The following BROX variants were observed in gnomAD, a reference collection of about 807,000 sequenced individuals.
BROX encodes the protein BRO1 domain-containing protein BROX.
BROX carries 53 observed loss-of-function variants against 61.0 expected under a neutral mutation model. The ratio of observed to expected loss-of-function variants is 0.87; its 90% CI spans 0.70 to 1.09. The LOEUF is 1.09. BROX is among the 50% of genes least tolerant of loss of function. BROX has a pLI of 0.00. For missense variants in BROX, 489 were observed against 472.0 expected (o/e 1.04, Z -0.33); for synonymous variants, 152 against 160.2 (o/e 0.95, Z 0.38).
intron 7 of BROX, among the ~76,000 whole-genome samples, chr1:222,725,898 G>A (rs1464297201): frequency 6.6e-6 from 1 of 152,140 alleles, no homozygotes; most frequent in Non-Finnish European, 1.5e-5. Context: ...GCAACAGTGT[G>A]AGACCCTGTC....
intron 4 of BROX, among the ~76,000 whole-genome samples, chr1:222,720,155 A>C (rs1201290491): frequency 6.6e-6 from 1 of 152,184 alleles, no homozygotes; most frequent in Non-Finnish European, 1.5e-5. Context: ...CTGCTTCTTC[A>C]ACTATATCTT....
At chr1:222,730,257 A>G (rs1657839273) in intron 11 of BROX, 80 bp downstream of exon 11, 2 of 1,037,370 alleles carry the variant, frequency 1.9e-6, no homozygotes, top group African/African-American at 1.7e-5. Context: ...TTTTAGTAAT[A>G]TCATTTCTGT....
intron 12 of BROX, among the ~76,000 whole-genome samples, chr1:222,731,902 G>C (rs1657965549): frequency 6.6e-6 from 1 of 152,114 alleles, no homozygotes; most frequent in Admixed American, 6.5e-5. Context: ...TGTGAATCCA[G>C]GTGTAAAATA....
At position 222,712,683 on chromosome 1, in the gene BROX, G is replaced by A; in HGVS notation, c.-276G>A. 3.1e-6 allele frequency: 4 copies of A among 1,297,154 alleles called. No homozygotes were observed. Among genetic ancestry groups the A allele is most frequent in the Non-Finnish European group, 3.0e-6 (3 of 993,452 alleles). 80.4% of individuals were successfully genotyped at this position (1,297,154 alleles called of 1,614,324 possible). A position where few individuals can be genotyped will look rare whatever the true frequency, so the allele number is the denominator to read the frequency against. ...GCTCAAAAGGAAGGCCGAGGGAGAA[G>A]TTAGAAAGGGATGATGAACGAAGCG... On this transcript the variant is annotated 5_prime_UTR_variant, in exon 1 of 13. Coordinates refer to ENST00000340934, the MANE Select transcript of BROX (RefSeq NM_144695.4).
chr1:222,729,450 A>T (rs532830472), intron 9 of BROX, among the ~76,000 whole-genome samples, 170 bp from the exon 10 acceptor site: 1 of 152,288 alleles, frequency 6.6e-6, no homozygotes, highest in South Asian at 2.1e-4. Context: ...TCAAGACTTG[A>T]CATATTTCCA....
intron 1 of BROX, among the ~76,000 whole-genome samples, chr1:222,715,461 A>G (rs550497917): frequency 6.6e-6 from 1 of 152,106 alleles, no homozygotes; most frequent in African/African-American, 2.4e-5. Flanking sequence ...TAATCCCAAC[A>G]CTTTGGGAGG....
At position 222,733,263 on chromosome 1, in the gene BROX, T is replaced by C. The variant is rs920670063; in HGVS notation, c.*549T>C. 1 of 152,230 alleles carries C rather than the reference T, an allele frequency of 6.6e-6. No homozygotes were observed. The highest frequency in any genetic ancestry group is 2.1e-4 in the South Asian group (1 of 4,824). 9.4% of individuals were successfully genotyped at this position (152,230 alleles called of 1,614,324 possible). On this transcript the variant is annotated 3_prime_UTR_variant, in exon 13 of 13. Transcript: ENST00000340934. Reference sequence around the variant, plus strand: ...ACCCAGATAATTTTTGTATTTTTAGTAGAGACGTGATTTCACCATGTTGGC... The same window carrying C: ...ACCCAGATAATTTTTGTATTTTTAGCAGAGACGTGATTTCACCATGTTGGC...
intron 1 of BROX, chr1:222,713,478 C>G (rs987719917): frequency 1.0e-6 from 1 of 972,370 alleles, no homozygotes; most frequent in East Asian, 1.1e-4. Flanking sequence ...AGCGGGAGTC[C>G]TCTTGTGGAA....
In BROX at chr1:222,727,103, T is replaced by C. The variant is rs1490199359; in HGVS notation, c.581-65T>C. ...ATTATCAGACTGTCTTTTGCTATTA[T>C]AATTGAATTTAGGATGAATAAAGTG... On this transcript the variant is annotated intron_variant, in intron 7 of 12. Transcript: ENST00000340934. 1.3e-5 allele frequency: 14 copies of C among 1,102,478 alleles called. No homozygotes were observed. The Admixed American group carries it at 2.8e-4, about 22-fold the overall frequency. 68.3% of individuals were successfully genotyped at this position (1,102,478 alleles called of 1,614,324 possible).
In BROX at chr1:222,712,623, C is replaced by A. The variant is rs781386693; in HGVS notation, c.-336C>A. ...TCTCCCTCGGCTCCGGAGGTAGGGG[C>A]AACTCTTCTCTTCCTGTCTGGGAAA... On this transcript the variant is annotated 5_prime_UTR_variant, in exon 1 of 13. Coordinates refer to ENST00000340934, the MANE Select transcript of BROX (RefSeq NM_144695.4). 1.5e-6 allele frequency: 2 copies of A among 1,334,596 alleles called. No individual in the cohort carries two copies. Among genetic ancestry groups the A allele is most frequent in the Non-Finnish European group, 2.0e-6 (2 of 1,020,260 alleles). The allele number at this position is 1,334,596 out of a possible 1,614,324, so 82.7% of individuals were successfully genotyped here.
intron 4 of BROX, 107 bp downstream of exon 4, chr1:222,719,466 C>A: frequency 1.4e-6 from 1 of 737,634 alleles, no homozygotes; most frequent in Non-Finnish European, 2.3e-6. Context: ...CAGGTCTGCT[C>A]AGCGTTTTCT....
intron 5 of BROX, among the ~76,000 whole-genome samples, 186 bp downstream of exon 5, chr1:222,722,700 C>T (rs1005956642): frequency 2.0e-5 from 3 of 152,122 alleles, no homozygotes; most frequent in African/African-American, 4.8e-5. Flanking sequence ...TTTTAATAGT[C>T]TTGTCATATG....
intron 1 of BROX, chr1:222,713,144 G>T (rs192691393): frequency 1.0e-6 from 1 of 980,878 alleles, no homozygotes; most frequent in African/African-American, 1.8e-5. Context: ...TTAACAGCTA[G>T]ATCCGCTGAA....
chr1:222,722,052 C>T (rs1023431992), intron 4 of BROX, among the ~76,000 whole-genome samples: 14 of 152,170 alleles, frequency 9.2e-5, no homozygotes, highest in African/African-American at 3.4e-4. Flanking sequence ...ATAAGAGCCA[C>T]ACCTTTGAGA....
chr1:222,729,305 GATA>G (rs1207103401), intron 9 of BROX, among the ~76,000 whole-genome samples: 2 of 152,152 alleles, frequency 1.3e-5, no homozygotes, highest in Non-Finnish European at 2.9e-5. Flanking sequence ...GGTCTGAGTA[GATA>G]ATATTTCTTA....
rs1658101685 is a variant in BROX at position 222,733,517 on chromosome 1, A to G, written c.*803A>G. On this transcript the variant is annotated 3_prime_UTR_variant, in exon 13 of 13. Coordinates refer to ENST00000340934, the MANE Select transcript of BROX (RefSeq NM_144695.4). ...ATTGTGTTAATCAGAGCGCAGACTT[A>G]CATTCTCAGTCATTTATCTTTTCTG... The G allele has an allele frequency of 6.6e-6, 1 of 152,260 alleles. No homozygotes were observed. Among genetic ancestry groups the G allele is most frequent in the Non-Finnish European group, 1.5e-5 (1 of 68,050 alleles). 9.4% of individuals were successfully genotyped at this position (152,260 alleles called of 1,614,324 possible). A position where few individuals can be genotyped will look rare whatever the true frequency, so the allele number is the denominator to read the frequency against.
chr1:222,722,386 G>T, intron 4 of BROX, 33 bp from the exon 5 acceptor site: 1 of 1,553,710 alleles, frequency 6.4e-7, no homozygotes. Context: ...CTGGATAATT[G>T]ACAGAACTTA....
At chr1:222,729,268 A>G (rs761564119) in intron 9 of BROX, among the ~76,000 whole-genome samples, 1 of 152,202 alleles carries the variant, frequency 6.6e-6, no homozygotes, top group Non-Finnish European at 1.5e-5. Context: ...AGAATATCAT[A>G]TGAGAGATCA....
At position 222,729,615 on chromosome 1, in the gene BROX, A is replaced by G. The variant is rs760428067; in HGVS notation, c.757-5A>G. 3.1e-6 allele frequency: 5 copies of G among 1,608,582 alleles called. No individual in the cohort carries two copies. Among genetic ancestry groups the G allele is most frequent in the Non-Finnish European group, 4.3e-6 (5 of 1,175,898 alleles). ...AATGAATAAAAAATTTGTTTATTTC[A>G]TCAGGCTTACTGTTACCATGGTGAG... On this transcript the variant is annotated splice_region_variant and splice_polypyrimidine_tract_variant and intron_variant, in intron 9 of 12. Transcript: ENST00000340934.
Sources: allele counts gnomAD v4.1 joint callset (sites outside exome capture counted in the v4.1 genomes callset), GRCh38; gene constraint gnomAD v4.1.1; transcripts MANE v1.5; gene names NCBI Gene and HGNC (gene_info 2026-07-23, HGNC 2026-07-21).